BCL2L11: variants seen among roughly 807,000 people sequenced by gnomAD.
BCL2L11 encodes the protein bcl-2-like protein 11.
A neutral mutation model predicts 20.6 loss-of-function variants in BCL2L11; 15 were observed. The observed-to-expected ratio is 0.73, with a 90% CI of 0.49 to 1.12. BCL2L11 has a LOEUF of 1.12. BCL2L11 is among the 50% of genes most tolerant of loss of function. The pLI, the probability that BCL2L11 is intolerant of heterozygous loss-of-function variation, is 0.00. For missense variants in BCL2L11, 292 were observed against 260.9 expected, an observed-to-expected ratio of 1.12 and a Z score of -0.82; for synonymous variants, 108 against 92.8, an observed-to-expected ratio of 1.16 and a Z score of -0.94.
At position 111,166,876 on chromosome 2, in the gene BCL2L11, T is replaced by C. The variant is rs1467398493; in HGVS notation, c.*2645T>C. 6.6e-6 allele frequency: 1 copy of C among 152,628 alleles called. No homozygotes were observed. Among genetic ancestry groups the C allele is most frequent in the Non-Finnish European group, 1.5e-5 (1 of 68,042 alleles). The allele number at this position is 152,628 out of a possible 1,614,324, so 9.5% of individuals were successfully genotyped here. ...CTTCTTAATGTATATATTGTGAGTA[T>C]TTATTAGATTCGTAGGTCATATTAC... On this transcript the variant is annotated 3_prime_UTR_variant, in exon 4 of 4. Coordinates refer to ENST00000393256, the MANE Select transcript of BCL2L11 (RefSeq NM_138621.5).
chr2:111,149,926 C>G (rs1028076869), intron 2 of BCL2L11, 118 bp from the exon 3 acceptor site: 2 of 759,830 alleles, frequency 2.6e-6, no homozygotes, highest in South Asian at 1.8e-5. Flanking sequence ...AGTCAGGGAG[C>G]TCCCAGAAAT....
intron 3 of BCL2L11, among the ~76,000 whole-genome samples, chr2:111,151,263 C>G (rs1222280175): frequency 6.6e-6 from 1 of 152,174 alleles, no homozygotes; most frequent in Admixed American, 6.5e-5. Context: ...ATTGGGAACA[C>G]CTGTGACTGC....
At chr2:111,144,443 A>T (rs770120722) in intron 2 of BCL2L11, 94 of 1,547,900 alleles carry the variant, frequency 6.1e-5, no homozygotes, top group Non-Finnish European at 7.9e-5. Context: ...TTCTGATAGC[A>T]TTTACCGCAA....
chr2:111,136,003 C>T (rs942396597), intron 2 of BCL2L11, among the ~76,000 whole-genome samples: 1 of 152,200 alleles, frequency 6.6e-6, no homozygotes, highest in Non-Finnish European at 1.5e-5. Context: ...CAGAGCACCT[C>T]CTGCTTCCCC....
intron 2 of BCL2L11, among the ~76,000 whole-genome samples, chr2:111,132,614 C>T (rs1326004214): frequency 8.5e-5 from 13 of 152,134 alleles, no homozygotes; most frequent in Admixed American, 2.0e-4. Context: ...TTTAAGTTGG[C>T]TTTGCTGGAA....
intron 1 of BCL2L11, among the ~76,000 whole-genome samples, chr2:111,122,041 A>G (rs2071103846): frequency 6.6e-6 from 1 of 152,036 alleles, no homozygotes; most frequent in Non-Finnish European, 1.5e-5. Flanking sequence ...GGCCCGACGG[A>G]CGCCAGGGCG....
chr2:111,153,408 G>A (rs73954962), intron 3 of BCL2L11, among the ~76,000 whole-genome samples: 3,964 of 152,206 alleles, frequency 0.026, 167 homozygotes, highest in African/African-American at 0.089. Flanking sequence ...ACTGGATGAT[G>A]CTGTGGATAG....
intron 3 of BCL2L11, among the ~76,000 whole-genome samples, chr2:111,157,135 T>C (rs1056987119): frequency 2.6e-5 from 4 of 152,240 alleles, no homozygotes; most frequent in Non-Finnish European, 5.9e-5. Context: ...CTCATCTGTT[T>C]GGCAGGTGCC....
intron 2 of BCL2L11, among the ~76,000 whole-genome samples, chr2:111,147,346 T>TCTCTCTCACACACA (rs760779894): frequency 2.8e-4 from 38 of 137,410 alleles, no homozygotes; most frequent in African/African-American, 1.0e-3. Flanking sequence ...TCTCTCTCTC[T>TCTCTCTCACACACA]CACACACACA....
At position 111,150,034 on chromosome 2, in the gene BCL2L11, T is replaced by C. The variant is rs1288942138; in HGVS notation, c.395-10T>C. On this transcript the variant is annotated splice_polypyrimidine_tract_variant and intron_variant, in intron 2 of 3. Coordinates refer to ENST00000393256, the MANE Select transcript of BCL2L11 (RefSeq NM_138621.5). ...CAATGTGATTTTTGTTTTGTTTTGT[T>C]CTGATGCAGCTTCCATGAGGCAGGC... is the stretch of plus-strand genomic sequence containing the variant. 1.2e-6 allele frequency: 2 copies of C among 1,612,380 alleles called. No individual in the cohort carries two copies. The highest frequency in any genetic ancestry group is 1.1e-5 in the South Asian group (1 of 91,014).
rs1010927545 is a variant in BCL2L11, at chr2:111,164,933, A to C, written c.*702A>C. ...ATAAATTCAGTTGCATCTGTGGCAA[A>C]ATTTCAGACTATTTTTGCGTCTTTC... On this transcript the variant is annotated 3_prime_UTR_variant, in exon 4 of 4. Coordinates refer to ENST00000393256, the MANE Select transcript of BCL2L11 (RefSeq NM_138621.5). 5.9e-5 allele frequency: 9 copies of C among 152,260 alleles called. No homozygotes were observed. Among genetic ancestry groups the C allele is most frequent in the African/African-American group, 2.2e-4 (9 of 41,452 alleles). The allele number at this position is 152,260 out of a possible 1,614,324, so 9.4% of individuals were successfully genotyped here.
At chr2:111,154,353 G>GAA (rs556911619) in intron 3 of BCL2L11, among the ~76,000 whole-genome samples, 23 of 104,508 alleles carry the variant, frequency 2.2e-4, no homozygotes, top group East Asian at 5.4e-4. Context: ...GCCCTTCTCA[G>GAA]AAAAAAAAAA....
In BCL2L11 at chr2:111,164,970, T is replaced by C. The variant is rs1473272455; in HGVS notation, c.*739T>C. 3 of 152,218 alleles carry C rather than the reference T, an allele frequency of 2.0e-5. No individual in the cohort carries two copies. Among genetic ancestry groups the C allele is most frequent in the African/African-American group, 4.8e-5 (2 of 41,444 alleles). 9.4% of individuals were successfully genotyped at this position (152,218 alleles called of 1,614,324 possible). On this transcript the variant is annotated 3_prime_UTR_variant, in exon 4 of 4. Coordinates refer to ENST00000393256, the MANE Select transcript of BCL2L11 (RefSeq NM_138621.5). ...TTTTTGCGTCTTTCCTCATCACTTT[T>C]TGTGATGCAACTCCAGTCTGGACTC...
chr2:111,156,521 C>T (rs373373730), intron 3 of BCL2L11, among the ~76,000 whole-genome samples: 8 of 152,176 alleles, frequency 5.3e-5, no homozygotes, highest in East Asian at 3.8e-4. Flanking sequence ...ACCCCGTTTC[C>T]GTCCCAGAAG....
At chr2:111,160,033 C>T (rs1426995245) in intron 3 of BCL2L11, among the ~76,000 whole-genome samples, 1 of 152,260 alleles carries the variant, frequency 6.6e-6, no homozygotes, top group Admixed American at 6.5e-5. Flanking sequence ...AATCCTGCAA[C>T]TTGGCATAAT....
rs2079069266 is a variant in BCL2L11, at chr2:111,167,312, T to C, written c.*3081T>C. 1 of 152,306 alleles carries C rather than the reference T, an allele frequency of 6.6e-6. No homozygotes were observed. The highest frequency in any genetic ancestry group is 1.9e-4 in the East Asian group (1 of 5,188). 9.4% of individuals were successfully genotyped at this position (152,306 alleles called of 1,614,324 possible). ...CAATTCTTGGGCTTTGCCGCCCTTA[T>C]GATGAAGTGTGTGTTTGATGCCAGT... is the stretch of plus-strand genomic sequence containing the variant. On this transcript the variant is annotated 3_prime_UTR_variant, in exon 4 of 4. Coordinates refer to ENST00000393256, the MANE Select transcript of BCL2L11 (RefSeq NM_138621.5).
chr2:111,138,623 C>G (rs748396494), intron 2 of BCL2L11, among the ~76,000 whole-genome samples: 11 of 152,166 alleles, frequency 7.2e-5, no homozygotes, highest in Non-Finnish European at 2.9e-5. Flanking sequence ...CTTTTGGGGT[C>G]TGCCTTTTTA....
At chr2:111,131,352 A>G (rs1277262476) in intron 2 of BCL2L11, 2 of 151,978 alleles carry the variant, frequency 1.3e-5, no homozygotes, top group Non-Finnish European at 2.9e-5. Context: ...TAGCTTTTGA[A>G]GAATTGGTCC....
At chr2:111,139,154 T>G (rs1369394755) in intron 2 of BCL2L11, among the ~76,000 whole-genome samples, 1 of 152,144 alleles carries the variant, frequency 6.6e-6, no homozygotes, top group Non-Finnish European at 1.5e-5. Context: ...GAAAGTGGCC[T>G]GGAGGGGGGC....
Sources: allele counts gnomAD v4.1 joint callset (sites outside exome capture counted in the v4.1 genomes callset), GRCh38; gene constraint gnomAD v4.1.1; transcripts MANE v1.5; gene names NCBI Gene and HGNC (gene_info 2026-07-23, HGNC 2026-07-21).